The following TRPM3 variants were observed in gnomAD, a reference collection of about 807,000 sequenced individuals.
TRPM3 encodes transient receptor potential cation channel subfamily M member 3.
Under a neutral mutation model 181.2 loss-of-function variants are expected in TRPM3, and 77 were observed. The ratio of observed to expected loss-of-function variants is 0.42; its 90% CI spans 0.35 to 0.51. The LOEUF (loss-of-function observed/expected upper bound fraction) is 0.51, where lower values mean the gene tolerates loss of function less well. Ranked by LOEUF, TRPM3 falls within the 20% of genes least tolerant of loss-of-function variation. The pLI is 0.01. For missense variants in TRPM3, 1,759 were observed against 2,196.7 expected (o/e 0.80, Z 3.98); for synonymous variants, 745 against 796.4 (o/e 0.94, Z 1.09).
In TRPM3 at chr9:70,892,907, G is replaced by A. The variant is rs144341175; in HGVS notation, c.178-28396C>T. On this transcript the variant is annotated intron_variant, in intron 1 of 25. Coordinates refer to ENST00000677713, the MANE Select transcript of TRPM3 (RefSeq NM_001366145.2). ...TTGTTACCTTCACATATCTAGGAAGGTCACTTAATTTCTACATGACCGGCT... is the reference window on the plus strand; with the variant it reads ...TTGTTACCTTCACATATCTAGGAAGATCACTTAATTTCTACATGACCGGCT... Among the ~76,000 whole-genome samples, 25 of 152,188 alleles carry A rather than the reference G, an allele frequency of 1.6e-4. No homozygotes were observed. In the East Asian group the frequency reaches 2.5e-3, roughly 15 times the overall value.
rs900475869 is a variant in TRPM3, at chr9:71,303,900, C to CA, written c.183+142752dup. ...GATTTGTTTCTGTGAATTACAAAAA[C>CA]AAAAAAAAAAGATTCTAATTCCTAT... On this transcript the variant is annotated intron_variant, in intron 1 of 24. Coordinates refer to the TRPM3 transcript ENST00000357533. Among the ~76,000 whole-genome samples the CA allele has an allele frequency of 9.4e-4, 137 of 145,570 alleles. 2 individuals carry two copies. Among genetic ancestry groups the CA allele is most frequent in the African/African-American group, 1.9e-3 (75 of 39,834 alleles).
chr9:71,225,974 C>T (rs960230643), intron 1 of TRPM3, among the ~76,000 whole-genome samples: 3 of 56,554 alleles, frequency 5.3e-5, no homozygotes, highest in African/African-American at 2.2e-4. Flanking sequence ...AAGACATAGA[C>T]AGTACAATAA....
intron 1 of TRPM3, among the ~76,000 whole-genome samples, chr9:70,880,044 A>T (rs984762324): frequency 6.6e-6 from 1 of 152,104 alleles, no homozygotes; most frequent in South Asian, 2.1e-4. Context: ...TTAAATCTCC[A>T]CCCTGCCTTC....
At chr9:71,123,675 G>A (rs1324123643), upstream of TRPM3, among the ~76,000 whole-genome samples, 1 of 152,184 alleles carries the variant, frequency 6.6e-6, no homozygotes, top group African/African-American at 2.4e-5. Context: ...TTTAATAAAT[G>A]GGGTAAAGAG....
At chr9:70,999,364 A>T (rs1457880162) in intron 1 of TRPM3, among the ~76,000 whole-genome samples, 1 of 152,216 alleles carries the variant, frequency 6.6e-6, no homozygotes, top group Non-Finnish European at 1.5e-5. Flanking sequence ...AGAATTTAGC[A>T]TCATTCTTAG....
chr9:71,288,403 G>A (rs987759821), intron 1 of TRPM3, among the ~76,000 whole-genome samples: 2 of 151,952 alleles, frequency 1.3e-5, no homozygotes, highest in Non-Finnish European at 2.9e-5. Context: ...ATACACATAT[G>A]TGCACATGTG....
In TRPM3 at chr9:71,179,284, A is replaced by C. The variant is rs755173012; in HGVS notation, c.183+267369T>G. On this transcript the variant is annotated intron_variant, in intron 1 of 24. Coordinates refer to the TRPM3 transcript ENST00000357533. ...TGGACCTAAAAGAATTGCTGGCACC[A>C]GTCGATTATTAAAACGGGCAGGGAA... Among the ~76,000 whole-genome samples the C allele has an allele frequency of 6.6e-4, 100 of 152,116 alleles. 7 individuals carry two copies. Among genetic ancestry groups the C allele is most frequent in the Non-Finnish European group, 1.9e-4 (13 of 68,002 alleles).
intron 1 of TRPM3, among the ~76,000 whole-genome samples, chr9:71,184,856 G>A (rs563947164): frequency 4.3e-4 from 65 of 152,230 alleles, no homozygotes; most frequent in Middle Eastern, 3.4e-3. Flanking sequence ...GTGCACCTGA[G>A]TCTCATGTGT....
At chr9:70,591,436 C>A (rs1284369721) in intron 21 of TRPM3, among the ~76,000 whole-genome samples, 1 of 152,204 alleles carries the variant, frequency 6.6e-6, no homozygotes, top group Non-Finnish European at 1.5e-5. Flanking sequence ...AGTGCACACA[C>A]AGATGAAGCC....
chr9:71,173,622 T>C (rs778656533), intron 1 of TRPM3, among the ~76,000 whole-genome samples: 11 of 152,184 alleles, frequency 7.2e-5, no homozygotes, highest in African/African-American at 2.2e-4. Context: ...GAATTCCTCA[T>C]GGAAAATTTC....
intron 19 of TRPM3, among the ~76,000 whole-genome samples, chr9:70,610,364 C>T (rs1313031749): frequency 6.6e-6 from 1 of 152,084 alleles, no homozygotes; most frequent in Admixed American, 6.6e-5. Context: ...CATCTCACCT[C>T]TATTACTGTT....
rs1043477563 is a variant in TRPM3, at chr9:70,553,367, A to T, written c.3224-57T>A. ...AACTGGCTATTTGAGTTAGAAAAAA[A>T]ATAAAAAGATGGATTTGTAGGAGGG... On this transcript the variant is annotated intron_variant, in intron 22 of 25. Coordinates refer to ENST00000677713, the MANE Select transcript of TRPM3 (RefSeq NM_001366145.2). 9 of 1,589,028 alleles carry T rather than the reference A, an allele frequency of 5.7e-6. No individual in the cohort carries two copies. The Admixed American group carries it at 8.7e-5, about 15-fold the overall frequency.
At chr9:70,918,789 T>G (rs896709100) in intron 1 of TRPM3, among the ~76,000 whole-genome samples, 1 of 152,098 alleles carries the variant, frequency 6.6e-6, no homozygotes, top group Non-Finnish European at 1.5e-5. Context: ...TAACTGATCT[T>G]GAAACGAACA....
intron 1 of TRPM3, among the ~76,000 whole-genome samples, chr9:71,088,223 G>A (rs1028899039): frequency 4.6e-5 from 7 of 152,066 alleles, no homozygotes; most frequent in Non-Finnish European, 8.8e-5. Context: ...CTAATATTAC[G>A]CAGAGTACAG....
intron 1 of TRPM3, among the ~76,000 whole-genome samples, chr9:71,187,887 G>T (rs867514765): frequency 2.3e-3 from 333 of 145,528 alleles, no homozygotes; most frequent in Middle Eastern, 7.0e-3. Flanking sequence ...CAGGCAGACA[G>T]ATGATAGATA....
intron 1 of TRPM3, among the ~76,000 whole-genome samples, chr9:70,941,250 G>A (rs893818551): frequency 6.6e-6 from 1 of 152,178 alleles, no homozygotes; most frequent in African/African-American, 2.4e-5. Flanking sequence ...AAGCAGGCAG[G>A]AGAAGACGGA....
At chr9:71,404,634 C>G (rs1044827946) in intron 1 of TRPM3, among the ~76,000 whole-genome samples, 6 of 152,092 alleles carry the variant, frequency 3.9e-5, no homozygotes, top group Non-Finnish European at 7.4e-5. Context: ...TTCCTCTCCA[C>G]TAACCCATTC....
rs112555714 is a variant in TRPM3, at chr9:71,197,150, G to A, written c.183+249503C>T. Among the ~76,000 whole-genome samples the A allele has an allele frequency of 1.7e-3, 259 of 152,092 alleles. 2 individuals are homozygous for A. Among genetic ancestry groups the A allele is most frequent in the African/African-American group, 5.4e-3 (225 of 41,508 alleles). On this transcript the variant is annotated intron_variant, in intron 1 of 24. Coordinates refer to the TRPM3 transcript ENST00000357533. The stretch of plus-strand genomic sequence containing the variant: ...GTTTTTTGTCCTTGCGATAGTTTAC[G>A]GAGAAGGATGATTCCCAATTTCATC...
At chr9:70,975,256 T>C (rs1206640619) in intron 1 of TRPM3, among the ~76,000 whole-genome samples, 3 of 152,158 alleles carry the variant, frequency 2.0e-5, no homozygotes, top group Admixed American at 6.5e-5. Flanking sequence ...GTTAGTCCTA[T>C]CTTCAAATTA....
Sources: gnomAD v4.1 joint callset for allele counts (sites outside exome capture counted in the v4.1 genomes callset) on GRCh38, gnomAD v4.1.1 for gene constraint, MANE v1.5 for transcripts, NCBI Gene and HGNC (gene_info 2026-07-23, HGNC 2026-07-21) for gene names.